Variants in KCNN3 observed in about 807,000 individuals in gnomAD.
KCNN3 encodes potassium calcium-activated channel subfamily N member 3, also known as small conductance calcium-activated potassium channel protein 3.
Under a neutral mutation model 62.9 loss-of-function variants are expected in KCNN3, and 16 were observed. That is an observed-to-expected ratio of 0.25 (90% confidence interval 0.17 to 0.39). The LOEUF is 0.39. KCNN3 is among the 10% of genes least tolerant of loss of function. The probability of loss-of-function intolerance (pLI) is 1.00; values close to 1 mark genes in which losing one functional copy is unlikely to be tolerated. For synonymous variants in KCNN3, 370 were observed against 389.2 expected (o/e 0.95, Z 0.58); for missense variants, 599 against 949.4 (o/e 0.63, Z 4.85).
Position 154,733,093 on chromosome 1 carries a change from G to C in KCNN3, c.1500C>G (p.Leu500=). 1 of 1,614,122 alleles carries C rather than the reference G, an allele frequency of 6.2e-7. No individual in the cohort carries two copies. Among genetic ancestry groups the C allele is most frequent in the Non-Finnish European group, 8.5e-7 (1 of 1,179,970 alleles). ...CAATGGAAAGGAATGTGATGGAGAT[G>C]AGCCACATGGCACCCAGAAAGTTAC... The part of the protein sequence containing the change: ...VTSNFLGAMW[L]ISITFLSIGY... Residue 500 remains leucine (L), a synonymous_variant, in exon 4 of 8, where the codon CTC becomes CTG. Transcript: ENST00000271915.
Position 154,713,525 on chromosome 1 carries a change from C to T in KCNN3, c.1838G>A (p.Ser613Asn). The part of the protein sequence containing the change: ...KFLQAIHQLR[S>N]VKMEQRKLSD... ...CAGCTTCCTCTGTTCCATCTTGACG[C>T]TCCTCAACCTGTGGGGAAGAATGGT... Residue 613 changes from serine to asparagine, a missense_variant, in exon 7 of 8, where the codon AGC becomes AAC. Around this residue, in one of 7 missense-constraint regions of KCNN3, gnomAD observed 288 missense variants for 557.4 expected, o/e 0.52. Transcript: ENST00000271915. The T allele has an allele frequency of 2.5e-6, 4 of 1,613,810 alleles. No individual in the cohort carries two copies. The highest frequency in any genetic ancestry group is 3.4e-6 in the Non-Finnish European group (4 of 1,179,820).
At chr1:154,834,022 G>A (rs1209865336) in intron 1 of KCNN3, among the ~76,000 whole-genome samples, 1 of 152,254 alleles carries the variant, frequency 6.6e-6, no homozygotes, top group Non-Finnish European at 1.5e-5. Flanking sequence ...ACAGCCGTGA[G>A]TTTCCTAACA....
At chr1:154,755,105 T>C (rs1422677527) in intron 3 of KCNN3, among the ~76,000 whole-genome samples, 1 of 152,196 alleles carries the variant, frequency 6.6e-6, no homozygotes, top group African/African-American at 2.4e-5. Context: ...TCTTGCCACC[T>C]CCAATTTACT....
chr1:154,827,618 G>A (rs1029693795), intron 1 of KCNN3, among the ~76,000 whole-genome samples: 2 of 152,150 alleles, frequency 1.3e-5, no homozygotes, highest in Non-Finnish European at 2.9e-5. Context: ...GGCCATCATG[G>A]TGAAACCCCA....
chr1:154,725,140 C>T (rs1035423963), intron 5 of KCNN3, among the ~76,000 whole-genome samples: 6 of 152,096 alleles, frequency 3.9e-5, no homozygotes, highest in Non-Finnish European at 7.4e-5. Flanking sequence ...AGGCGTGAGC[C>T]GCCGCTCCCA....
At chr1:154,806,125 G>A (rs1650163724) in intron 2 of KCNN3, among the ~76,000 whole-genome samples, 1 of 152,162 alleles carries the variant, frequency 6.6e-6, no homozygotes, top group African/African-American at 2.4e-5. Context: ...GCCGTTGTGG[G>A]GTATGGGTAG....
chr1:154,820,926 G>A (rs1650864089), intron 2 of KCNN3, among the ~76,000 whole-genome samples: 1 of 152,216 alleles, frequency 6.6e-6, no homozygotes, highest in South Asian at 2.1e-4. Flanking sequence ...TCTCTAAGAG[G>A]AGGAGGCACT....
At chr1:154,785,572 C>CTTTTTTTTTTTTT (rs59033291) in intron 2 of KCNN3, among the ~76,000 whole-genome samples, 1 of 107,980 alleles carries the variant, frequency 9.3e-6, no homozygotes, top group African/African-American at 3.8e-5. Context: ...TTTTCTTTTT[C>CTTTTTTTTTTTTT]TTTTTTTTTT....
intron 1 of KCNN3, among the ~76,000 whole-genome samples, chr1:154,830,599 T>C (rs1651343636): frequency 6.6e-6 from 1 of 152,320 alleles, no homozygotes; most frequent in South Asian, 2.1e-4. Context: ...AAGCCAGTGG[T>C]CTCGACACAA....
chr1:154,833,640 C>A (rs1036462486), intron 1 of KCNN3, among the ~76,000 whole-genome samples: 5 of 152,216 alleles, frequency 3.3e-5, no homozygotes, highest in African/African-American at 9.6e-5. Flanking sequence ...ACACCAGTAA[C>A]AGAAAGGGCT....
At chr1:154,839,192 C>G (rs1177282016) in intron 1 of KCNN3, among the ~76,000 whole-genome samples, 2 of 152,126 alleles carry the variant, frequency 1.3e-5, no homozygotes, top group African/African-American at 2.4e-5. Context: ...AGTGCATAAC[C>G]ACGTGCCCAC....
At chr1:154,784,572 G>A (rs1318659322) in intron 2 of KCNN3, among the ~76,000 whole-genome samples, 1 of 152,178 alleles carries the variant, frequency 6.6e-6, no homozygotes, top group East Asian at 1.9e-4. Flanking sequence ...CCTTCCTCCA[G>A]TATTCCCCAG....
intron 1 of KCNN3, among the ~76,000 whole-genome samples, chr1:154,854,774 C>CA (rs1396184340): frequency 2.0e-5 from 3 of 151,880 alleles, no homozygotes; most frequent in Non-Finnish European, 4.4e-5. Context: ...AGTTTTTAAC[C>CA]AAAAAAGATT....
In KCNN3 at chr1:154,772,863, G is replaced by T. The variant is rs989029161; in HGVS notation, c.1030-470C>A. 6.6e-6 allele frequency among the ~76,000 whole-genome samples: 1 copy of T among 152,098 alleles called. No individual in the cohort carries two copies. Among genetic ancestry groups the T allele is most frequent in the Non-Finnish European group, 1.5e-5 (1 of 68,024 alleles). On this transcript the variant is annotated intron_variant, in intron 2 of 7. Transcript: ENST00000271915. This position sits in a 1 kb window ranked among gnomAD's most constrained non-coding sequence, Gnocchi z 5.6. ...GGGGAACCAATCTGGTGATGAGAGG[G>T]TTGGAACTTTCAGCCCCACCCCACC... is the stretch of plus-strand genomic sequence containing the variant.
intron 1 of KCNN3, chr1:154,859,683 C>T: frequency 1.9e-6 from 3 of 1,613,920 alleles, no homozygotes; most frequent in Middle Eastern, 3.3e-4. Flanking sequence ...GTAACCTGGG[C>T]AGGGCACCCA....
chr1:154,779,936 A>G (rs981844864), intron 2 of KCNN3, among the ~76,000 whole-genome samples: 3 of 152,110 alleles, frequency 2.0e-5, no homozygotes, highest in Non-Finnish European at 2.9e-5. Context: ...CCCTGGTTAG[A>G]GTGTCTCGCC....
intron 3 of KCNN3, among the ~76,000 whole-genome samples, chr1:154,742,786 C>T (rs993041229): frequency 6.6e-6 from 1 of 152,212 alleles, no homozygotes; most frequent in African/African-American, 2.4e-5. Context: ...GCTCCATCAG[C>T]CTTCAGCAAG....
intron 3 of KCNN3, among the ~76,000 whole-genome samples, chr1:154,739,200 A>C (rs1377479542): frequency 6.6e-6 from 1 of 152,224 alleles, no homozygotes; most frequent in African/African-American, 2.4e-5. Context: ...CCACGGAAGG[A>C]TTGACTCTAC....
At chr1:154,766,692 T>G (rs1445736074) in intron 3 of KCNN3, among the ~76,000 whole-genome samples, 1 of 149,040 alleles carries the variant, frequency 6.7e-6, no homozygotes, top group African/African-American at 2.5e-5. Flanking sequence ...TTGTTTTTTT[T>G]TTTTTGAGAT....
Sources: allele counts gnomAD v4.1 joint callset (sites outside exome capture counted in the v4.1 genomes callset), GRCh38; gene constraint gnomAD v4.1.1; regional missense constraint gnomAD v4.1.1; non-coding constraint Gnocchi (gnomAD v3.1); transcripts MANE v1.5; gene names NCBI Gene and HGNC (gene_info 2026-07-23, HGNC 2026-07-21).